Variants in WDR88 observed in about 807,000 individuals in gnomAD.
WDR88 encodes WD repeat-containing protein 88.
Under a neutral mutation model 46.8 loss-of-function variants are expected in WDR88, and 40 were observed. The ratio of observed to expected loss-of-function variants is 0.86; its 90% confidence interval spans 0.66 to 1.11. The LOEUF (loss-of-function observed/expected upper bound fraction) is 1.11, where lower values mean the gene tolerates loss of function less well. Ranked by LOEUF, WDR88 falls within the 50% of genes most tolerant of loss-of-function variation. The probability of loss-of-function intolerance (pLI) is 0.00; values close to 1 mark genes in which losing one functional copy is unlikely to be tolerated. For synonymous variants in WDR88, 235 were observed against 240.7 expected (o/e 0.98, Z 0.22); for missense variants, 562 against 602.4 (o/e 0.93, Z 0.70).
At chr19:33,147,888 G>T (rs1392476971) in intron 4 of WDR88, among the ~76,000 whole-genome samples, 180 bp downstream of exon 4, 2 of 152,110 alleles carry the variant, frequency 1.3e-5, no homozygotes, top group African/African-American at 2.4e-5. Flanking sequence ...GCCATTGCTT[G>T]CAAAAAGTCT....
intron 6 of WDR88, 39 bp from the exon 7 acceptor site, chr19:33,156,316 C>A: frequency 6.3e-7 from 1 of 1,593,246 alleles, no homozygotes; most frequent in Non-Finnish European, 8.6e-7. Context: ...CCTCCAGGAG[C>A]AAAGCGCTAA....
intron 6 of WDR88, among the ~76,000 whole-genome samples, chr19:33,151,739 G>C (rs1973637848): frequency 6.6e-6 from 1 of 152,092 alleles, no homozygotes; most frequent in Non-Finnish European, 1.5e-5. Context: ...AATTAGCTGG[G>C]TGTGGTGTCA....
intron 2 of WDR88, among the ~76,000 whole-genome samples, chr19:33,141,241 C>T (rs7249607): frequency 0.54 from 68,979 of 128,204 alleles, 21,526 homozygotes; most frequent in African/African-American, 0.87. Context: ...TTTTTTTTTT[C>T]TTTTTTGACA....
intron 10 of WDR88, among the ~76,000 whole-genome samples, chr19:33,173,527 C>G (rs915711264): frequency 6.6e-6 from 1 of 152,268 alleles, no homozygotes; most frequent in South Asian, 2.1e-4. Context: ...CCTTTAAGTC[C>G]TTCCCTGGGA....
chr19:33,149,480 C>G (rs943075794), intron 5 of WDR88, among the ~76,000 whole-genome samples: 2 of 152,082 alleles, frequency 1.3e-5, no homozygotes, highest in African/African-American at 4.8e-5. Context: ...ACAGCCTAAT[C>G]TTTTATTGAG....
At chr19:33,174,041 G>A (rs1378337411) in intron 10 of WDR88, 23 of 773,110 alleles carry the variant, frequency 3.0e-5, no homozygotes, top group Middle Eastern at 2.7e-4. Context: ...TATTAGAGAC[G>A]GGGTTTCACC....
At chr19:33,135,636 T>C (rs532805457) in intron 1 of WDR88, among the ~76,000 whole-genome samples, 97 of 152,268 alleles carry the variant, frequency 6.4e-4, no homozygotes, top group Admixed American at 2.2e-3. Context: ...CAGGCTGGTC[T>C]TGAACTCCTG....
Position 33,148,917 on chromosome 19 carries a change from G to T in WDR88, c.679+7G>T, listed in dbSNP as rs576909507. 6.2e-7 allele frequency: 1 copy of T among 1,613,978 alleles called. No homozygotes were observed. The highest frequency in any genetic ancestry group is 1.3e-5 in the African/African-American group (1 of 75,038). On this transcript the variant is annotated splice_region_variant and intron_variant, in intron 5 of 10. Coordinates refer to ENST00000355868, the MANE Select transcript of WDR88 (RefSeq NM_173479.4). ...ACCGTTTCCGTCATCAAAGGTGAGG[G>T]TGTGCGGGCTCCCTGTATCTTCAGT...
chr19:33,171,643 C>T (rs1281181233), intron 9 of WDR88, among the ~76,000 whole-genome samples: 1 of 152,112 alleles, frequency 6.6e-6, no homozygotes, highest in Non-Finnish European at 1.5e-5. Context: ...ATCTAGGTAT[C>T]AACAGGACTG....
rs1379730787 is a variant in WDR88, at chr19:33,136,423, T to A, written c.277-1254T>A. On this transcript the variant is annotated intron_variant, in intron 1 of 10. Coordinates refer to ENST00000355868, the MANE Select transcript of WDR88 (RefSeq NM_173479.4). ...CCAGGCTGGTCTTGAATTCCTGACCTCAGGTGATCCGCCTGCCTCGGTCTC... is the reference window on the plus strand; with the variant it reads ...CCAGGCTGGTCTTGAATTCCTGACCACAGGTGATCCGCCTGCCTCGGTCTC... Among the ~76,000 whole-genome samples the A allele has an allele frequency of 5.9e-5, 9 of 152,086 alleles. No homozygotes were observed. In the South Asian group the frequency reaches 1.9e-3, roughly 32 times the overall value.
Position 33,175,668 on chromosome 19 carries a change from C to T in WDR88, c.*96C>T. On this transcript the variant is annotated 3_prime_UTR_variant, in exon 11 of 11. Coordinates refer to ENST00000355868, the MANE Select transcript of WDR88 (RefSeq NM_173479.4). ...CTTTCTCTTGGGCCCCTCCCAGGCT[C>T]AGCAGGCCTGTCAGACTGGGGCAGG... 6.8e-7 allele frequency: 1 copy of T among 1,479,338 alleles called. No individual in the cohort carries two copies. The highest frequency in any genetic ancestry group is 1.3e-5 in the South Asian group (1 of 79,312). 91.6% of individuals were successfully genotyped at this position (1,479,338 alleles called of 1,614,324 possible).
intron 4 of WDR88, among the ~76,000 whole-genome samples, chr19:33,148,308 G>A (rs945841736): frequency 1.3e-5 from 2 of 152,088 alleles, no homozygotes; most frequent in African/African-American, 4.8e-5. Flanking sequence ...AGCTCCTGCA[G>A]GCCTTTTCTG....
At chr19:33,148,581 C>T (rs548046834) in intron 4 of WDR88, among the ~76,000 whole-genome samples, 191 bp from the exon 5 acceptor site, 1 of 152,230 alleles carries the variant, frequency 6.6e-6, no homozygotes, top group East Asian at 1.9e-4. Context: ...GCTGGGACTA[C>T]AGGCGAGCAC....
chr19:33,143,862 T>C (rs1973453832), intron 2 of WDR88, among the ~76,000 whole-genome samples: 1 of 152,156 alleles, frequency 6.6e-6, no homozygotes, highest in South Asian at 2.1e-4. Flanking sequence ...AATACTGATA[T>C]GTACTCACCA....
intron 1 of WDR88, among the ~76,000 whole-genome samples, chr19:33,136,118 C>T (rs1006392528): frequency 3.3e-5 from 5 of 150,274 alleles, no homozygotes; most frequent in African/African-American, 4.9e-5. Context: ...TGCAATGGCA[C>T]GACCTCGGCT....
chr19:33,153,155 A>ATCC (rs1225202799), intron 6 of WDR88, among the ~76,000 whole-genome samples: 1 of 151,060 alleles, frequency 6.6e-6, no homozygotes, highest in East Asian at 1.9e-4. Context: ...GGCTCAAGTG[A>ATCC]TCCTCTTGCC....
chr19:33,153,391 C>G (rs1973673922), intron 6 of WDR88, among the ~76,000 whole-genome samples: 1 of 151,614 alleles, frequency 6.6e-6, no homozygotes, highest in African/African-American at 2.4e-5. Flanking sequence ...CTCTGTATAC[C>G]CAGGAGTGGA....
intron 3 of WDR88, among the ~76,000 whole-genome samples, chr19:33,146,996 G>T (rs1973531399): frequency 6.6e-6 from 1 of 151,742 alleles, no homozygotes; most frequent in African/African-American, 2.4e-5. Context: ...CCAGTACTCT[G>T]GGAGGCTGAG....
At chr19:33,139,391 G>C (rs956217409) in intron 2 of WDR88, among the ~76,000 whole-genome samples, 1 of 152,256 alleles carries the variant, frequency 6.6e-6, no homozygotes, top group Non-Finnish European at 1.5e-5. Context: ...GCAGAAGGCT[G>C]TGTGGCTGGG....
Sources: gnomAD v4.1 joint callset for allele counts (sites outside exome capture counted in the v4.1 genomes callset) on GRCh38, gnomAD v4.1.1 for gene constraint, MANE v1.5 for transcripts, NCBI Gene and HGNC (gene_info 2026-07-23, HGNC 2026-07-21) for gene names.